Variants in DPP6 observed in about 807,000 individuals in gnomAD.
DPP6 encodes dipeptidyl peptidase like 6, also known as A-type potassium channel modulatory protein DPP6.
A neutral mutation model predicts 122.6 loss-of-function variants in DPP6; 69 were observed. The observed-to-expected ratio is 0.56, with a 90% CI of 0.46 to 0.69. The LOEUF (loss-of-function observed/expected upper bound fraction) is 0.69, where lower values mean the gene tolerates loss of function less well. Ranked by LOEUF, DPP6 falls within the 30% of genes least tolerant of loss-of-function variation. The pLI, the probability that DPP6 is intolerant of heterozygous loss-of-function variation, is 0.00. For missense variants in DPP6, 928 were observed against 1,116.9 expected, an observed-to-expected ratio of 0.83 and a Z score of 2.41; for synonymous variants, 418 against 433.1, an observed-to-expected ratio of 0.97 and a Z score of 0.43.
intron 1 of DPP6, among the ~76,000 whole-genome samples, chr7:153,993,698 C>T (rs4487665): frequency 0.12 from 16,936 of 144,588 alleles, no homozygotes; most frequent in African/African-American, 0.17. Context: ...GTTATATCAC[C>T]TCAATGATCT....
intron 3 of DPP6, among the ~76,000 whole-genome samples, chr7:154,522,705 A>T (rs980235492): frequency 6.6e-6 from 1 of 151,662 alleles, no homozygotes; most frequent in African/African-American, 2.4e-5. Context: ...CGAGAAAAAA[A>T]AATTGGAACT....
the DPP6 span, among the ~76,000 whole-genome samples, chr7:153,880,411 G>A: frequency 6.6e-6 from 1 of 152,166 alleles, no homozygotes; most frequent in Admixed American, 6.5e-5. Flanking sequence ...CAAAGTTTCT[G>A]TATAAAGATA....
intron 1 of DPP6, among the ~76,000 whole-genome samples, chr7:154,005,337 G>A (rs948645806): frequency 6.6e-6 from 1 of 152,158 alleles, no homozygotes; most frequent in Middle Eastern, 3.2e-3. Flanking sequence ...CTTTGCTCAG[G>A]GGCCGGGGGC....
intron 1 of DPP6, among the ~76,000 whole-genome samples, chr7:154,056,492 T>C (rs1800827750): frequency 6.6e-6 from 1 of 152,148 alleles, no homozygotes; most frequent in South Asian, 2.1e-4. Flanking sequence ...TTTTTAGTTT[T>C]TTAAAGGGCT....
chr7:154,039,401 C>G lies in DPP6; in HGVS notation c.51+151667C>G, dbSNP rs1456556268. 9.0e-3 allele frequency among the ~76,000 whole-genome samples: 1,079 copies of G among 120,428 alleles called. 54 individuals carry two copies. Among genetic ancestry groups the G allele is most frequent in the African/African-American group, 0.038 (996 of 26,464 alleles). The allele number at this position is 120,428 out of a possible 152,430, so 79.0% of individuals were successfully genotyped here. ...CCAAGAAGACAGGTGCAGAAGTGAT[C>G]ATCTGAGGCTGCTCTCCAAGGTCCT... On this transcript the variant is annotated intron_variant, in intron 1 of 25. Transcript: ENST00000404039.
the DPP6 span, among the ~76,000 whole-genome samples, chr7:153,786,608 G>A: frequency 6.6e-5 from 10 of 151,532 alleles, no homozygotes; most frequent in South Asian, 4.2e-4. Context: ...GCGTGGTGGC[G>A]CGCACCTGTA....
the DPP6 span, among the ~76,000 whole-genome samples, chr7:153,779,997 G>A: frequency 3.2e-4 from 49 of 151,726 alleles, no homozygotes; most frequent in African/African-American, 1.1e-3. Flanking sequence ...AATGCCAGTT[G>A]GGGTAATGTC....
intron 6 of DPP6, among the ~76,000 whole-genome samples, chr7:154,659,237 C>A (rs1041795108): frequency 6.6e-6 from 1 of 152,204 alleles, no homozygotes; most frequent in East Asian, 1.9e-4. Flanking sequence ...GGATTGAGCC[C>A]ATTTGTTTTT....
Position 154,658,682 on chromosome 7 carries a change from C to T in DPP6, c.681-10678C>T, listed in dbSNP as rs143006784. 6.3e-4 allele frequency among the ~76,000 whole-genome samples: 96 copies of T among 152,314 alleles called. 2 individuals are homozygous for T. In the East Asian group the frequency reaches 0.014, roughly 23 times the overall value. On this transcript the variant is annotated intron_variant, in intron 6 of 25. Transcript: ENST00000377770. ...GGTGTGGGAGGGAGAGCCTTCAGTG[C>T]TCCTCTGTCTGCCCCACACCTCCTT...
the DPP6 span, among the ~76,000 whole-genome samples, chr7:153,765,929 GTTC>G: frequency 2.6e-5 from 4 of 152,306 alleles, no homozygotes; most frequent in East Asian, 7.7e-4. Context: ...CCATCTTGGT[GTTC>G]TTGTTAAAAT....
the DPP6 span, among the ~76,000 whole-genome samples, chr7:153,780,914 G>A: frequency 6.6e-6 from 1 of 152,094 alleles, no homozygotes; most frequent in Non-Finnish European, 1.5e-5. Context: ...GTGTCTCCTT[G>A]TAACTTTCTG....
In DPP6 at chr7:154,728,275, T is replaced by C. The variant is rs113859798; in HGVS notation, c.883+388T>C. Among the ~76,000 whole-genome samples, 1,085 of 152,310 alleles carry C rather than the reference T, an allele frequency of 7.1e-3. 9 individuals are homozygous for C. The highest frequency in any genetic ancestry group is 0.024 in the African/African-American group (1,005 of 41,568). ...TCTCTACCCCACTCCAAGACATAAG[T>C]GCCTCGTTTTGCCTTGGGAAGGGGA... On this transcript the variant is annotated intron_variant, in intron 8 of 25. Coordinates refer to ENST00000377770, the MANE Select transcript of DPP6 (RefSeq NM_130797.4).
At position 154,133,223 on chromosome 7, in the gene DPP6, T is replaced by C. The variant is rs554303760; in HGVS notation, c.243+80160T>C. Among the ~76,000 whole-genome samples, 6 of 152,348 alleles carry C rather than the reference T, an allele frequency of 3.9e-5. No homozygotes were observed. In the South Asian group the frequency reaches 1.0e-3, roughly 26 times the overall value. On this transcript the variant is annotated intron_variant, in intron 1 of 25. Coordinates refer to ENST00000377770, the MANE Select transcript of DPP6 (RefSeq NM_130797.4). ...GAGAAATTGAATGCCCCAGGTCACA[T>C]AGCTGGTCAGCAGAGCTGGGATTCA...
rs528527494 is a variant in DPP6 at position 154,014,155 on chromosome 7, G to A, written c.51+126421G>A. On this transcript the variant is annotated intron_variant, in intron 1 of 25. Transcript: ENST00000404039. Reference sequence around the variant, plus strand: ...GCTAAAATAAAAAGACCCTAATGTAGCAGAGGCCTTGATAAATTCTACCGA... The same window carrying A: ...GCTAAAATAAAAAGACCCTAATGTAACAGAGGCCTTGATAAATTCTACCGA... Among the ~76,000 whole-genome samples the A allele has an allele frequency of 2.7e-5, 4 of 150,770 alleles. No individual in the cohort carries two copies. The South Asian group carries it at 8.5e-4, about 32-fold the overall frequency.
chr7:154,880,400 G>A (rs1805291107), intron 20 of DPP6, among the ~76,000 whole-genome samples: 1 of 152,244 alleles, frequency 6.6e-6, no homozygotes, highest in Admixed American at 6.5e-5. Flanking sequence ...CTCCTCCCAG[G>A]AATTGGGAAC....
intron 5 of DPP6, among the ~76,000 whole-genome samples, chr7:154,621,757 T>C (rs1342485026): frequency 6.6e-6 from 1 of 152,148 alleles, no homozygotes; most frequent in East Asian, 1.9e-4. Context: ...TTGGTTTCTC[T>C]TCCCTCCTCA....
intron 5 of DPP6, among the ~76,000 whole-genome samples, chr7:154,593,802 G>C (rs1437589759): frequency 6.6e-6 from 1 of 152,210 alleles, no homozygotes; most frequent in Non-Finnish European, 1.5e-5. Context: ...ACCTGCTGCT[G>C]TTCAGTCAGA....
intron 1 of DPP6, among the ~76,000 whole-genome samples, chr7:154,408,660 T>C (rs1816327287): frequency 6.6e-6 from 1 of 152,158 alleles, no homozygotes; most frequent in South Asian, 2.1e-4. Context: ...AGTTTTCCCA[T>C]GAATATTTTC....
chr7:153,915,943 TTTTATTTATTTA>T (rs141267507), intron 1 of DPP6, among the ~76,000 whole-genome samples: 13 of 146,962 alleles, frequency 8.8e-5, no homozygotes, highest in East Asian at 2.0e-4. Context: ...CTCCTCTGAT[TTTTATTTATTTA>T]TTTATTTATT....
Sources: allele counts gnomAD v4.1 joint callset (sites outside exome capture counted in the v4.1 genomes callset), GRCh38; gene constraint gnomAD v4.1.1; transcripts MANE v1.5; gene names NCBI Gene and HGNC (gene_info 2026-07-23, HGNC 2026-07-21).